The following SLC2A13 variants were observed in gnomAD, a reference collection of about 807,000 sequenced individuals.
SLC2A13 encodes the protein proton myo-inositol cotransporter.
A neutral mutation model predicts 64.4 loss-of-function variants in SLC2A13; 32 were observed. That is an observed-to-expected ratio of 0.50 (90% CI 0.37 to 0.67). The LOEUF is 0.67. Ranked by LOEUF, SLC2A13 falls within the 30% of genes least tolerant of loss-of-function variation. SLC2A13 has a pLI of 0.00. For missense variants in SLC2A13, 743 were observed against 829.2 expected, an observed-to-expected ratio of 0.90 and a Z score of 1.28; for synonymous variants, 338 against 327.1, an observed-to-expected ratio of 1.03 and a Z score of -0.36.
chr12:39,907,295 T>C (rs1330789085), intron 4 of SLC2A13, among the ~76,000 whole-genome samples: 2 of 152,150 alleles, frequency 1.3e-5, no homozygotes, highest in African/African-American at 2.4e-5. Flanking sequence ...AGAACATATA[T>C]GTATTATTCA....
At chr12:39,824,170 TA>T (rs1254301803) in intron 7 of SLC2A13, among the ~76,000 whole-genome samples, 8 of 152,318 alleles carry the variant, frequency 5.3e-5, no homozygotes, top group South Asian at 4.2e-4. Context: ...GGCTATCATA[TA>T]AAAAATATAA....
intron 1 of SLC2A13, among the ~76,000 whole-genome samples, chr12:40,063,217 G>A (rs552754295): frequency 2.0e-5 from 3 of 151,932 alleles, no homozygotes; most frequent in Non-Finnish European, 4.4e-5. Context: ...AAATCTCCCA[G>A]TGAAGTTTAT....
At chr12:40,048,385 C>A (rs545872887) in intron 1 of SLC2A13, among the ~76,000 whole-genome samples, 175 bp from the exon 2 acceptor site, 4 of 152,196 alleles carry the variant, frequency 2.6e-5, no homozygotes, top group Admixed American at 2.6e-4. Context: ...CTACTGCAGA[C>A]AAGTAAAAAT....
At chr12:39,996,152 A>G (rs1458601673) in intron 3 of SLC2A13, among the ~76,000 whole-genome samples, 1 of 152,206 alleles carries the variant, frequency 6.6e-6, no homozygotes, top group Non-Finnish European at 1.5e-5. Context: ...GAGATGAAGA[A>G]CTTATTGCGG....
chr12:39,785,916 A>G (rs1941167961), intron 7 of SLC2A13, among the ~76,000 whole-genome samples: 2 of 152,148 alleles, frequency 1.3e-5, no homozygotes, highest in Admixed American at 1.3e-4. Context: ...AATTTACCCA[A>G]TACCTGTATC....
intron 4 of SLC2A13, among the ~76,000 whole-genome samples, chr12:39,923,867 T>G (rs983538232): frequency 1.3e-5 from 2 of 151,966 alleles, no homozygotes; most frequent in African/African-American, 4.8e-5. Context: ...AATATGCACA[T>G]CTGCATATGT....
At chr12:39,975,717 C>T (rs1426376082) in intron 3 of SLC2A13, among the ~76,000 whole-genome samples, 1 of 152,208 alleles carries the variant, frequency 6.6e-6, no homozygotes, top group African/African-American at 2.4e-5. Flanking sequence ...GCTGTCCAAA[C>T]TTCAGATGAC....
chr12:40,071,540 C>A (rs903425156), intron 1 of SLC2A13, among the ~76,000 whole-genome samples: 1 of 152,054 alleles, frequency 6.6e-6, no homozygotes, highest in African/African-American at 2.4e-5. Context: ...GAAAGCATTC[C>A]CTCTGCCTCT....
chr12:39,874,615 CAA>C (rs11287868), intron 4 of SLC2A13, among the ~76,000 whole-genome samples: 1,803 of 101,062 alleles, frequency 0.018, 44 homozygotes, highest in African/African-American at 0.06. Context: ...AACTCCATCT[CAA>C]AAAAAAAAAA....
intron 7 of SLC2A13, among the ~76,000 whole-genome samples, chr12:39,810,883 G>C (rs1028412458): frequency 3.9e-5 from 6 of 152,034 alleles, no homozygotes; most frequent in African/African-American, 1.4e-4. Context: ...TTCATCTATA[G>C]TTTTTCTTTC....
At chr12:39,763,330 C>G (rs1940233298) in intron 9 of SLC2A13, among the ~76,000 whole-genome samples, 2 of 151,960 alleles carry the variant, frequency 1.3e-5, no homozygotes, top group Non-Finnish European at 2.9e-5. Context: ...ATACCATTAA[C>G]TAAAAGCAAA....
At chr12:39,932,519 G>C (rs1592294467) in intron 4 of SLC2A13, among the ~76,000 whole-genome samples, 2 of 152,360 alleles carry the variant, frequency 1.3e-5, no homozygotes, top group South Asian at 4.1e-4. Flanking sequence ...CCTACTGTGT[G>C]CTGGAGACAG....
chr12:39,943,211 C>T (rs1360026221), intron 4 of SLC2A13, among the ~76,000 whole-genome samples: 1 of 152,156 alleles, frequency 6.6e-6, no homozygotes, highest in East Asian at 1.9e-4. Flanking sequence ...GAGGTGTCTC[C>T]CAGTCAGGAG....
rs1413322024 is a variant in SLC2A13 at position 39,896,366 on chromosome 12, A to ATGTATACATATG, written c.1035-24406_1035-24405insCATATGTATACA. Among the ~76,000 whole-genome samples, 33 of 141,396 alleles carry ATGTATACATATG rather than the reference A, an allele frequency of 2.3e-4. 2 individuals carry two copies. Among genetic ancestry groups the ATGTATACATATG allele is most frequent in the African/African-American group, 7.2e-4 (27 of 37,368 alleles). The allele number at this position is 141,396 out of a possible 152,430, so 92.8% of individuals were successfully genotyped here. The stretch of plus-strand genomic sequence containing the variant: ...CATATATGTATGTATATGTGTATAT[A>ATGTATACATATG]TGTATACATATATGTATGTATATGT... On this transcript the variant is annotated intron_variant, in intron 4 of 9. Transcript: ENST00000280871.
At chr12:40,009,656 CTCCTGAGCTCAAGCAA>C (rs754316141) in intron 3 of SLC2A13, among the ~76,000 whole-genome samples, 82 of 152,278 alleles carry the variant, frequency 5.4e-4, no homozygotes, top group Non-Finnish European at 9.4e-4. Context: ...TGGTCTTGAA[CTCCTGAGCTCAAGCAA>C]TCCTCGAGCT....
intron 7 of SLC2A13, among the ~76,000 whole-genome samples, chr12:39,821,409 CAA>C (rs553327490): frequency 6.9e-6 from 1 of 144,096 alleles, no homozygotes; most frequent in Admixed American, 7.0e-5. Flanking sequence ...GACTCCGTCT[CAA>C]AAAAAAAAAA....
chr12:39,771,202 G>A (rs564527458), intron 7 of SLC2A13, among the ~76,000 whole-genome samples: 1 of 152,158 alleles, frequency 6.6e-6, no homozygotes, highest in East Asian at 1.9e-4. Context: ...TAACCCTGAT[G>A]GTTCCTATTT....
intron 3 of SLC2A13, among the ~76,000 whole-genome samples, chr12:40,014,000 C>A (rs1374717551): frequency 6.6e-6 from 1 of 152,154 alleles, no homozygotes; most frequent in Non-Finnish European, 1.5e-5. Context: ...TGGAACATAT[C>A]TATACTCAAA....
chr12:40,009,850 G>A (rs569285597), intron 3 of SLC2A13, among the ~76,000 whole-genome samples: 104 of 152,298 alleles, frequency 6.8e-4, no homozygotes, highest in South Asian at 8.3e-4. Context: ...TGAAGAAGAG[G>A]CAGACTGACA....
Sources: gnomAD v4.1 joint callset for allele counts (sites outside exome capture counted in the v4.1 genomes callset) on GRCh38, gnomAD v4.1.1 for gene constraint, MANE v1.5 for transcripts, NCBI Gene and HGNC (gene_info 2026-07-23, HGNC 2026-07-21) for gene names.